CHST9: variants seen among roughly 807,000 people sequenced by gnomAD.
CHST9 encodes the protein GalNAc-4-sulfotransferase 2.
Under a neutral mutation model 44.4 loss-of-function variants are expected in CHST9, and 41 were observed. That is an observed-to-expected ratio of 0.92 (90% CI 0.72 to 1.20). The LOEUF is 1.20. Among genes scored for constraint, CHST9 ranks in the 50% most tolerant of loss-of-function variants. The pLI is 0.00. For synonymous variants in CHST9, 171 were observed against 178.4 expected (o/e 0.96, Z 0.33); for missense variants, 504 against 516.5 (o/e 0.98, Z 0.23).
At chr18:27,124,556 T>TTAAGGACACCACCATTTTTCCATC (rs1331937176) in intron 2 of CHST9, among the ~76,000 whole-genome samples, 2 of 152,214 alleles carry the variant, frequency 1.3e-5, no homozygotes, top group African/African-American at 4.8e-5. Context: ...AGTTTTCCAT[T>TTAAGGACACCACCATTTTTCCATC]TAAGCACACC....
chr18:27,000,290 T>C (rs2056933674), intron 4 of CHST9, among the ~76,000 whole-genome samples: 1 of 152,204 alleles, frequency 6.6e-6, no homozygotes, highest in Non-Finnish European at 1.5e-5. Flanking sequence ...TCTAGATTTG[T>C]TGGACGTTTG....
chr18:26,926,591 TAAATA>T (rs1314790852), intron 5 of CHST9, among the ~76,000 whole-genome samples: 1 of 152,202 alleles, frequency 6.6e-6, no homozygotes, highest in Admixed American at 6.5e-5. Flanking sequence ...AATTTACAGA[TAAATA>T]AATCAAGACA....
intron 1 of CHST9, among the ~76,000 whole-genome samples, chr18:27,178,799 A>G (rs1434521774): frequency 1.3e-5 from 2 of 152,036 alleles, no homozygotes; most frequent in East Asian, 3.8e-4. Flanking sequence ...AAGCAATATA[A>G]CAAAATTCTA....
intron 1 of CHST9, among the ~76,000 whole-genome samples, chr18:27,174,947 T>A (rs570652453): frequency 6.6e-6 from 1 of 152,144 alleles, no homozygotes; most frequent in East Asian, 1.9e-4. Context: ...TCCCCTAAAC[T>A]AGTTGAAGCA....
intron 3 of CHST9, among the ~76,000 whole-genome samples, chr18:27,038,398 T>A (rs2057411342): frequency 6.6e-6 from 1 of 152,012 alleles, no homozygotes; most frequent in African/African-American, 2.4e-5. Context: ...ATACAAAAAT[T>A]AGCTGCGTGT....
chr18:26,975,487 A>G (rs1211518919), intron 4 of CHST9, among the ~76,000 whole-genome samples: 1 of 151,796 alleles, frequency 6.6e-6, no homozygotes, highest in East Asian at 1.9e-4. Flanking sequence ...GTCCATGTGC[A>G]CACATTATTT....
intron 4 of CHST9, among the ~76,000 whole-genome samples, chr18:27,017,127 A>T (rs892037510): frequency 6.6e-6 from 1 of 152,244 alleles, no homozygotes; most frequent in Admixed American, 6.5e-5. Flanking sequence ...TTTCTACTTT[A>T]TATTTCTCAG....
intron 5 of CHST9, among the ~76,000 whole-genome samples, chr18:26,943,062 T>C (rs1162710679): frequency 6.6e-6 from 1 of 151,934 alleles, no homozygotes; most frequent in African/African-American, 2.4e-5. Context: ...GAGCCAAGAT[T>C]GTGTCACTGC....
intron 4 of CHST9, among the ~76,000 whole-genome samples, chr18:26,963,155 A>G (rs2056421662): frequency 6.6e-6 from 1 of 152,168 alleles, no homozygotes; most frequent in African/African-American, 2.4e-5. Context: ...TCATGGGGTC[A>G]TATGTGAACC....
At chr18:27,054,067 C>T (rs2057621493) in intron 2 of CHST9, among the ~76,000 whole-genome samples, 1 of 152,168 alleles carries the variant, frequency 6.6e-6, no homozygotes, top group Non-Finnish European at 1.5e-5. Context: ...AGTCGAGAGT[C>T]CCATATCGTT....
At chr18:27,095,549 T>A (rs553786456) in intron 2 of CHST9, among the ~76,000 whole-genome samples, 1 of 152,276 alleles carries the variant, frequency 6.6e-6, no homozygotes, top group South Asian at 2.1e-4. Flanking sequence ...GAGAGCCATC[T>A]CAAACATAAT....
At chr18:26,941,364 T>A (rs1208972245) in intron 5 of CHST9, among the ~76,000 whole-genome samples, 2 of 152,202 alleles carry the variant, frequency 1.3e-5, no homozygotes. Flanking sequence ...ATCTGCTATA[T>A]AAAAAGGCAT....
intron 3 of CHST9, among the ~76,000 whole-genome samples, chr18:27,045,797 A>G (rs1241859255): frequency 6.6e-6 from 1 of 152,060 alleles, no homozygotes; most frequent in Non-Finnish European, 1.5e-5. Flanking sequence ...ATAGCATCAC[A>G]CATGAATCAA....
At chr18:27,023,820 A>T (rs1266680024) in intron 4 of CHST9, among the ~76,000 whole-genome samples, 1 of 152,214 alleles carries the variant, frequency 6.6e-6, no homozygotes, top group Non-Finnish European at 1.5e-5. Flanking sequence ...AAAATATGTA[A>T]ACTTTTTCAT....
chr18:27,041,136 G>C (rs147635253), intron 3 of CHST9, among the ~76,000 whole-genome samples: 72 of 152,194 alleles, frequency 4.7e-4, no homozygotes, highest in Non-Finnish European at 1.2e-4. Flanking sequence ...ACATACATAT[G>C]AGCCTAATAG....
intron 4 of CHST9, among the ~76,000 whole-genome samples, chr18:26,999,552 A>T (rs1272854393): frequency 1.2e-4 from 18 of 152,202 alleles, no homozygotes; most frequent in Admixed American, 1.2e-3. Flanking sequence ...AAAAGTAATT[A>T]CATGTTTTGT....
rs2055443001 is a variant in CHST9 at position 26,911,732 on chromosome 18, G to C, written c.*4527C>G. On this transcript the variant is annotated 3_prime_UTR_variant, in exon 6 of 6. Coordinates refer to ENST00000618847, the MANE Select transcript of CHST9 (RefSeq NM_031422.6). ...AAGATGTGACTGACTAGGAAATTCT[G>C]AGAATGAAATGATATGAGGCAATGT... 6.6e-6 allele frequency: 1 copy of C among 152,212 alleles called. No homozygotes were observed. The highest frequency in any genetic ancestry group is 2.1e-4 in the South Asian group (1 of 4,830). 9.4% of individuals were successfully genotyped at this position (152,212 alleles called of 1,614,324 possible).
intron 1 of CHST9, among the ~76,000 whole-genome samples, chr18:27,166,868 A>T (rs914886016): frequency 6.6e-6 from 1 of 152,178 alleles, no homozygotes. Flanking sequence ...CTTCATAGGG[A>T]AATGAAGACC....
intron 3 of CHST9, among the ~76,000 whole-genome samples, chr18:27,024,645 A>G (rs1004653017): frequency 1.3e-5 from 2 of 152,252 alleles, no homozygotes; most frequent in African/African-American, 4.8e-5. Flanking sequence ...AGCTCCTGGC[A>G]TTATTAGTGA....
Sources: allele counts gnomAD v4.1 joint callset (sites outside exome capture counted in the v4.1 genomes callset), GRCh38; gene constraint gnomAD v4.1.1; transcripts MANE v1.5; gene names NCBI Gene and HGNC (gene_info 2026-07-23, HGNC 2026-07-21).